The following RORA variants were observed in gnomAD, a reference collection of about 807,000 sequenced individuals.
RORA encodes the protein nuclear receptor ROR-alpha.
A neutral mutation model predicts 69.5 loss-of-function variants in RORA; 7 were observed. The observed-to-expected ratio is 0.10, with a 90% CI of 0.06 to 0.19. The LOEUF is 0.19. Among genes scored for constraint, RORA ranks in the 10% least tolerant of loss-of-function variants. The pLI, the probability that RORA is intolerant of heterozygous loss-of-function variation, is 1.00. For missense variants in RORA, 457 were observed against 663.0 expected (o/e 0.69, Z 3.41); for synonymous variants, 261 against 240.8 (o/e 1.08, Z -0.78).
At position 60,534,550 on chromosome 15, in the gene RORA, A is replaced by G. The variant is rs1310078903; in HGVS notation, c.197-2699T>C. Among the ~76,000 whole-genome samples, 3 of 152,080 alleles carry G rather than the reference A, an allele frequency of 2.0e-5. No individual in the cohort carries two copies. Among genetic ancestry groups the G allele is most frequent in the Non-Finnish European group, 4.4e-5 (3 of 68,022 alleles). On this transcript the variant is annotated intron_variant, in intron 2 of 10. Coordinates refer to ENST00000335670, the MANE Select transcript of RORA (RefSeq NM_134261.3). The surrounding 1 kb of genome is among the most constrained non-coding windows in gnomAD (Gnocchi z 5.0). The stretch of plus-strand genomic sequence containing the variant: ...TGTCTGTGCTTAGTTCCAGTGGGCT[A>G]AAGAATCAGATTTAATTGAAACAGG...
intron 1 of RORA, among the ~76,000 whole-genome samples, chr15:61,150,044 T>C (rs541651417): frequency 6.6e-6 from 1 of 152,012 alleles, no homozygotes; most frequent in Non-Finnish European, 1.5e-5. Flanking sequence ...TTAAGATAAG[T>C]ATCATTGGTT....
chr15:60,597,676 A>AACTC (rs1403499394), intron 2 of RORA, among the ~76,000 whole-genome samples: 1 of 133,088 alleles, frequency 7.5e-6, no homozygotes, highest in African/African-American at 2.8e-5. Flanking sequence ...AATACAAGTG[A>AACTC]ACTCAGAATC....
At chr15:60,639,219 A>AT (rs71122868) in intron 2 of RORA, among the ~76,000 whole-genome samples, 28,387 of 130,474 alleles carry the variant, frequency 0.22, 3,441 homozygotes, top group Non-Finnish European at 0.27. Context: ...AGGTTTTTGT[A>AT]TTTTTTTTTT....
chr15:61,043,413 T>C (rs1053668187), intron 1 of RORA, among the ~76,000 whole-genome samples: 1 of 152,182 alleles, frequency 6.6e-6, no homozygotes, highest in Non-Finnish European at 1.5e-5. Flanking sequence ...TCAAGAACTT[T>C]GTAAAAATGA....
At chr15:60,946,287 CTCTCTT>C (rs1433828879) in intron 1 of RORA, among the ~76,000 whole-genome samples, 1 of 152,184 alleles carries the variant, frequency 6.6e-6, no homozygotes, top group African/African-American at 2.4e-5. Context: ...CTCCCTCTCC[CTCTCTT>C]TCCAGGGTCT....
At chr15:60,979,475 C>A (rs936188194) in intron 1 of RORA, among the ~76,000 whole-genome samples, 1 of 151,980 alleles carries the variant, frequency 6.6e-6, no homozygotes, top group Non-Finnish European at 1.5e-5. Context: ...TTAAGTCTTC[C>A]AATCCATAAA....
At chr15:60,529,351 A>G (rs561371144) in intron 3 of RORA, 1 of 150,444 alleles carries the variant, frequency 6.6e-6, no homozygotes, top group East Asian at 1.9e-4. Flanking sequence ...CAAAAATAGA[A>G]GTCTTTTGAC....
At chr15:61,220,388 G>A (rs550970845) in intron 1 of RORA, among the ~76,000 whole-genome samples, 1 of 152,316 alleles carries the variant, frequency 6.6e-6, no homozygotes, top group Non-Finnish European at 1.5e-5. Flanking sequence ...ACTGGAAAGT[G>A]AAAATGAAAA....
At chr15:60,614,813 A>T in intron 2 of RORA, 1 of 1,054,756 alleles carries the variant, frequency 9.5e-7, no homozygotes, top group Non-Finnish European at 1.4e-6. Flanking sequence ...ATGAGATTAT[A>T]CACACGCACA....
In RORA at chr15:61,100,112, CT is replaced by C. The variant is rs911036920; in HGVS notation, c.166+128940del. The stretch of plus-strand genomic sequence containing the variant: ...CATCTGGGAATGAATGGTCAATTTT[CT>C]TTTTTTTTTTTTTTTTTTTCTTTTG... On this transcript the variant is annotated intron_variant, in intron 1 of 10. Transcript: ENST00000335670. Among the ~76,000 whole-genome samples the C allele has an allele frequency of 5.4e-3, 647 of 119,052 alleles. 3 individuals carry two copies. The East Asian group carries it at 0.056, about 10-fold the overall frequency. The allele number at this position is 119,052 out of a possible 152,430, so 78.1% of individuals were successfully genotyped here. A position where few individuals can be genotyped will look rare whatever the true frequency, so the allele number is the denominator to read the frequency against.
At chr15:60,607,948 CAT>C (rs1395490270) in intron 2 of RORA, among the ~76,000 whole-genome samples, 3 of 152,236 alleles carry the variant, frequency 2.0e-5, no homozygotes, top group East Asian at 1.9e-4. Flanking sequence ...CATGCACACA[CAT>C]GATACCGATA....
At chr15:61,134,612 C>T (rs2079219817) in intron 1 of RORA, among the ~76,000 whole-genome samples, 1 of 152,188 alleles carries the variant, frequency 6.6e-6, no homozygotes, top group South Asian at 2.1e-4. Context: ...TAATACAAAA[C>T]TATGCAATGG....
At chr15:61,002,054 C>A (rs1159414873) in intron 1 of RORA, among the ~76,000 whole-genome samples, 1 of 152,226 alleles carries the variant, frequency 6.6e-6, no homozygotes, top group African/African-American at 2.4e-5. Context: ...CCTTTCTCTG[C>A]CAGGCTGTTG....
chr15:61,029,971 G>C lies in RORA; in HGVS notation c.166+199082C>G, dbSNP rs541902018. 9.5e-4 allele frequency among the ~76,000 whole-genome samples: 145 copies of C among 152,282 alleles called. 4 individuals carry two copies. Among genetic ancestry groups the C allele is most frequent in the Non-Finnish European group, 1.9e-4 (13 of 68,024 alleles). The stretch of plus-strand genomic sequence containing the variant: ...CATAAGTACGCATGATCCTGCCCCA[G>C]TGAGATGACAGGAAGGCTTGAGACT... On this transcript the variant is annotated intron_variant, in intron 1 of 10. Transcript: ENST00000335670.
chr15:60,867,666 A>C (rs2073505602), intron 1 of RORA, among the ~76,000 whole-genome samples: 1 of 152,150 alleles, frequency 6.6e-6, no homozygotes, highest in Admixed American at 6.5e-5. Flanking sequence ...GTGCTAAATA[A>C]TTAATATGTA....
chr15:61,183,346 C>G, intron 1 of RORA, among the ~76,000 whole-genome samples: 1 of 152,170 alleles, frequency 6.6e-6, no homozygotes, highest in East Asian at 1.9e-4. Context: ...GCCAGCCTGG[C>G]CAACATGGTG....
chr15:60,646,486 G>T (rs1596093779), intron 2 of RORA, among the ~76,000 whole-genome samples: 1 of 152,268 alleles, frequency 6.6e-6, no homozygotes, highest in Non-Finnish European at 1.5e-5. Context: ...ATTGCCTAGT[G>T]AGACATGTGT....
At chr15:60,936,143 T>C (rs564087419) in intron 1 of RORA, among the ~76,000 whole-genome samples, 12 of 152,230 alleles carry the variant, frequency 7.9e-5, no homozygotes, top group African/African-American at 2.6e-4. Flanking sequence ...AGAAAAACAA[T>C]GATGCTAGGA....
At chr15:60,942,851 G>A (rs1349686312) in intron 1 of RORA, among the ~76,000 whole-genome samples, 4 of 152,192 alleles carry the variant, frequency 2.6e-5, no homozygotes, top group Non-Finnish European at 5.9e-5. Context: ...ACAATTCCAA[G>A]GCTGGCCTTT....
Sources: allele counts gnomAD v4.1 joint callset (sites outside exome capture counted in the v4.1 genomes callset), GRCh38; gene constraint gnomAD v4.1.1; non-coding constraint Gnocchi (gnomAD v3.1); transcripts MANE v1.5; gene names NCBI Gene and HGNC (gene_info 2026-07-23, HGNC 2026-07-21).